Variants in CCDC141 observed in about 807,000 individuals in gnomAD.
CCDC141 encodes coiled-coil domain containing 141, also known as coiled-coil domain-containing protein 141.
CCDC141 carries 168 observed loss-of-function variants against 181.0 expected under a neutral mutation model. The ratio of observed to expected loss-of-function variants is 0.93; its 90% CI spans 0.82 to 1.05. The LOEUF (loss-of-function observed/expected upper bound fraction) is 1.05, where lower values mean the gene tolerates loss of function less well. CCDC141 is among the 50% of genes least tolerant of loss of function. CCDC141 has a pLI of 0.00. For synonymous variants in CCDC141, 666 were observed against 642.3 expected (o/e 1.04, Z -0.56); for missense variants, 1,902 against 1,788.5 (o/e 1.06, Z -1.14).
Position 178,845,618 on chromosome 2 carries a change from T to G in CCDC141, c.3474+8A>C. ...CCTCAATAGCTGAGGTTAAGTAGTT[T>G]TCTTTACCTTATTCCTTTCTTCATT... On this transcript the variant is annotated splice_region_variant and intron_variant, in intron 22 of 23. Transcript: ENST00000443758. 6.6e-7 allele frequency: 1 copy of G among 1,508,276 alleles called. No homozygotes were observed. The highest frequency in any genetic ancestry group is 9.2e-7 in the Non-Finnish European group (1 of 1,084,270). The allele number at this position is 1,508,276 out of a possible 1,614,324, so 93.4% of individuals were successfully genotyped here.
intron 19 of CCDC141, among the ~76,000 whole-genome samples, chr2:178,853,957 G>A (rs900684579): frequency 6.6e-6 from 1 of 152,106 alleles, no homozygotes; most frequent in African/African-American, 2.4e-5. Context: ...GAACAGGCAG[G>A]ATAAAAAGCA....
intron 22 of CCDC141, among the ~76,000 whole-genome samples, chr2:178,843,448 T>C (rs571434178): frequency 1.4e-4 from 22 of 152,218 alleles, no homozygotes; most frequent in Admixed American, 1.3e-4. Context: ...CCATTTAACC[T>C]TAGGAGTTTT....
intron 2 of CCDC141, among the ~76,000 whole-genome samples, chr2:179,014,173 AG>A (rs1214500918): frequency 6.6e-6 from 1 of 152,088 alleles, no homozygotes; most frequent in Admixed American, 6.6e-5. Flanking sequence ...AAGCAGGGAA[AG>A]GACACCCTTT....
At chr2:179,003,191 C>T (rs1426265131) in intron 2 of CCDC141, among the ~76,000 whole-genome samples, 2 of 152,130 alleles carry the variant, frequency 1.3e-5, no homozygotes, top group Non-Finnish European at 2.9e-5. Flanking sequence ...ATAATATTAT[C>T]TTTCATGTAT....
intron 11 of CCDC141, among the ~76,000 whole-genome samples, chr2:178,883,202 G>A (rs1014493146): frequency 6.6e-5 from 10 of 152,162 alleles, no homozygotes; most frequent in Admixed American, 5.9e-4. Flanking sequence ...TTCATGTCCT[G>A]CATTATAATA....
intron 5 of CCDC141, among the ~76,000 whole-genome samples, chr2:178,957,959 A>G (rs1427904606): frequency 6.6e-6 from 1 of 152,214 alleles, no homozygotes; most frequent in African/African-American, 2.4e-5. Context: ...AATATTATTT[A>G]GCTTTAAGCA....
At chr2:178,899,192 C>G (rs1687562060) in intron 8 of CCDC141, among the ~76,000 whole-genome samples, 1 of 152,166 alleles carries the variant, frequency 6.6e-6, no homozygotes, top group Non-Finnish European at 1.5e-5. Context: ...ACATGCTGCA[C>G]AAGTCTGCAG....
chr2:178,860,554 T>G (rs1356469398), intron 17 of CCDC141, among the ~76,000 whole-genome samples: 1 of 110,924 alleles, frequency 9.0e-6, no homozygotes, highest in Non-Finnish European at 2.0e-5. Flanking sequence ...TTTTTTTTTT[T>G]TTTTTTTTTT....
rs577122192 is a variant in CCDC141, at chr2:178,974,685, C to T, written c.526+372G>A. On this transcript the variant is annotated intron_variant, in intron 4 of 23. Coordinates refer to ENST00000443758, the MANE Select transcript of CCDC141 (RefSeq NM_173648.4). ...TTCATTTATTGACCCTTAGAAGGAA[C>T]ATTCACTGAATTCAATGATTTATTC... Among the ~76,000 whole-genome samples the T allele has an allele frequency of 1.8e-4, 28 of 152,282 alleles. 2 individuals carry two copies. The South Asian group carries it at 5.2e-3, about 28-fold the overall frequency.
At chr2:178,971,327 T>C (rs563631889) in intron 4 of CCDC141, among the ~76,000 whole-genome samples, 39 of 152,328 alleles carry the variant, frequency 2.6e-4, no homozygotes, top group African/African-American at 9.1e-4. Context: ...AAAATGCTCG[T>C]CATCACTGGT....
At chr2:178,965,665 G>A (rs370554785) in intron 4 of CCDC141, among the ~76,000 whole-genome samples, 50 of 152,322 alleles carry the variant, frequency 3.3e-4, no homozygotes, top group African/African-American at 1.2e-3. Context: ...AGGGCCCTGG[G>A]TTTCAAGCAC....
chr2:178,881,972 T>A (rs983177611), intron 11 of CCDC141, among the ~76,000 whole-genome samples: 50 of 148,408 alleles, frequency 3.4e-4, no homozygotes, highest in African/African-American at 1.2e-3. Context: ...CCAGTCTACA[T>A]TTGAAGGGAA....
At chr2:178,914,165 A>G (rs1350044822) in intron 7 of CCDC141, among the ~76,000 whole-genome samples, 1 of 152,218 alleles carries the variant, frequency 6.6e-6, no homozygotes, top group Admixed American at 6.5e-5. Flanking sequence ...TTATTCTAAT[A>G]GGTGCTATAT....
chr2:178,839,255 T>C (rs947149300), intron 22 of CCDC141, among the ~76,000 whole-genome samples: 9 of 151,818 alleles, frequency 5.9e-5, no homozygotes, highest in Admixed American at 4.6e-4. Context: ...CTACTAAAAA[T>C]GCAAAAAATT....
chr2:178,985,486 T>C (rs989007008), intron 2 of CCDC141, among the ~76,000 whole-genome samples: 12 of 143,612 alleles, frequency 8.4e-5, no homozygotes, highest in Non-Finnish European at 1.5e-4. Flanking sequence ...CTGAAGGAAA[T>C]AGAGACACAA....
At chr2:178,977,948 T>G (rs1261308681) in intron 3 of CCDC141, among the ~76,000 whole-genome samples, 2 of 152,228 alleles carry the variant, frequency 1.3e-5, no homozygotes, top group Non-Finnish European at 2.9e-5. Context: ...TTTTTCCTTC[T>G]CTTGTATTGT....
downstream of CCDC141, among the ~76,000 whole-genome samples, chr2:178,824,863 G>T (rs1247835099): frequency 1.3e-5 from 2 of 151,968 alleles, no homozygotes; most frequent in Non-Finnish European, 2.9e-5. Flanking sequence ...TCCTGGATGG[G>T]GTCTTTACAG....
Position 179,002,125 on chromosome 2 carries a change from A to C in CCDC141, c.226-23450T>G, listed in dbSNP as rs1575329524. On this transcript the variant is annotated intron_variant, in intron 2 of 23. Transcript: ENST00000443758. ...AAGCCACTGCTCCCGGCCAAAGTTC[A>C]TACTTTTTATGACAAGCACATGGCC... 3 of 208,114 alleles carry C rather than the reference A, an allele frequency of 1.4e-5. No homozygotes were observed. The East Asian group carries it at 4.5e-4, about 31-fold the overall frequency. The allele number at this position is 208,114 out of a possible 1,614,324, so 12.9% of individuals were successfully genotyped here. A position where few individuals can be genotyped will look rare whatever the true frequency, so the allele number is the denominator to read the frequency against.
chr2:178,938,488 T>C (rs933521102), intron 6 of CCDC141, among the ~76,000 whole-genome samples: 1 of 152,146 alleles, frequency 6.6e-6, no homozygotes, highest in African/African-American at 2.4e-5. Flanking sequence ...TCTTTTCCAT[T>C]TGCTGAGGAT....
Sources: allele counts gnomAD v4.1 joint callset (sites outside exome capture counted in the v4.1 genomes callset), GRCh38; gene constraint gnomAD v4.1.1; transcripts MANE v1.5; gene names NCBI Gene and HGNC (gene_info 2026-07-23, HGNC 2026-07-21).